UGGT1: variants seen among roughly 807,000 people sequenced by gnomAD.
UGGT1 encodes UDP-glucose glycoprotein glucosyltransferase 1, also known as UDP-glucose:glycoprotein glucosyltransferase 1.
UGGT1 carries 107 observed loss-of-function variants against 203.9 expected under a neutral mutation model. That is an observed-to-expected ratio of 0.52 (90% CI 0.45 to 0.62). UGGT1 has a LOEUF of 0.62. Among genes scored for constraint, UGGT1 ranks in the 20% least tolerant of loss-of-function variants. The pLI, the probability that UGGT1 is intolerant of heterozygous loss-of-function variation, is 0.00. For missense variants in UGGT1, 1,673 were observed against 1,867.2 expected (o/e 0.90, Z 1.92); for synonymous variants, 628 against 653.5 (o/e 0.96, Z 0.59).
intron 11 of UGGT1, among the ~76,000 whole-genome samples, chr2:128,123,623 A>G (rs748846848): frequency 1.3e-5 from 2 of 152,094 alleles, no homozygotes; most frequent in Admixed American, 1.3e-4. Flanking sequence ...GTGTGGTTTA[A>G]CTTTCTTTCA....
chr2:128,134,336 A>G (rs1465149436), intron 14 of UGGT1, among the ~76,000 whole-genome samples: 5 of 152,136 alleles, frequency 3.3e-5, no homozygotes, highest in Non-Finnish European at 5.9e-5. Context: ...ATGCCTGGCC[A>G]CTTTTCTGTC....
chr2:128,103,927 C>T lies in UGGT1; in HGVS notation c.195-5C>T, dbSNP rs776533663. 2.5e-6 allele frequency: 4 copies of T among 1,579,826 alleles called. No individual in the cohort carries two copies. The highest frequency in any genetic ancestry group is 1.2e-5 in the South Asian group (1 of 83,364). Reference sequence around the variant, plus strand: ...AGTTGTTTTATTTCTGATCTTTTCTCCCAGTGAGTTTTTAGCAGAAGACAG... The same window carrying T: ...AGTTGTTTTATTTCTGATCTTTTCTTCCAGTGAGTTTTTAGCAGAAGACAG... On this transcript the variant is annotated splice_polypyrimidine_tract_variant and splice_region_variant and intron_variant, in intron 2 of 40. Coordinates refer to ENST00000259253, the MANE Select transcript of UGGT1 (RefSeq NM_020120.4).
intron 28 of UGGT1, among the ~76,000 whole-genome samples, 165 bp from the exon 29 acceptor site, chr2:128,172,408 A>G (rs1363027723): frequency 1.3e-5 from 2 of 152,200 alleles, no homozygotes; most frequent in Non-Finnish European, 2.9e-5. Context: ...AACCACAAGG[A>G]GGCATCATAA....
chr2:128,091,952 T>C (rs774684845), intron 1 of UGGT1, among the ~76,000 whole-genome samples: 39 of 152,220 alleles, frequency 2.6e-4, no homozygotes, highest in Admixed American at 2.0e-3. Flanking sequence ...CAATAACTTA[T>C]AGATGTGAAC....
rs1687335655 is a variant in UGGT1, at chr2:128,100,647, C to T, written c.194+3083C>T. On this transcript the variant is annotated intron_variant, in intron 2 of 40. Coordinates refer to ENST00000259253, the MANE Select transcript of UGGT1 (RefSeq NM_020120.4). Reference sequence around the variant, plus strand: ...ATGTTGGTCAGGCTGGTCTGGAACTCCCCACCTCAGGTGATCCACCCATCT... The same window carrying T: ...ATGTTGGTCAGGCTGGTCTGGAACTTCCCACCTCAGGTGATCCACCCATCT... 2.0e-5 allele frequency among the ~76,000 whole-genome samples: 3 copies of T among 151,048 alleles called. No individual in the cohort carries two copies. The South Asian group carries it at 6.3e-4, about 32-fold the overall frequency.
intron 33 of UGGT1, 143 bp from the exon 34 acceptor site, chr2:128,178,325 G>T: frequency 1.3e-5 from 9 of 697,230 alleles, no homozygotes; most frequent in Non-Finnish European, 1.9e-5. Context: ...TCTCCAGGGT[G>T]TGAGGGAAGC....
chr2:128,099,659 TC>T (rs1687276414), intron 2 of UGGT1, among the ~76,000 whole-genome samples: 1 of 152,188 alleles, frequency 6.6e-6, no homozygotes, highest in South Asian at 2.1e-4. Flanking sequence ...CTTCCTTCCA[TC>T]GCCTCTCTCT....
At position 128,169,048 on chromosome 2, in the gene UGGT1, TAAAAAAAAAAAAAAAAAAAAAAA is replaced by T. The variant is rs544381740; in HGVS notation, c.2922-1219_2922-1197del. ...GGGTGAATGAGCGAGACTCTGTCTT[TAAAAAAAAAAAAAAAAAAAAAAA>T]AAAAAAAAAAAAAAAAAAAAGACAA... On this transcript the variant is annotated intron_variant, in intron 26 of 40. Coordinates refer to ENST00000259253, the MANE Select transcript of UGGT1 (RefSeq NM_020120.4). Among the ~76,000 whole-genome samples, 436 of 52,570 alleles carry T rather than the reference TAAAAAAAAAAAAAAAAAAAAAAA, an allele frequency of 8.3e-3. 15 individuals carry two copies. The highest frequency in any genetic ancestry group is 0.031 in the African/African-American group (304 of 9,720). The allele number at this position is 52,570 out of a possible 152,430, so 34.5% of individuals were successfully genotyped here.
At chr2:128,159,752 C>G in intron 23 of UGGT1, 32 bp downstream of exon 23, 2 of 1,599,872 alleles carry the variant, frequency 1.3e-6, no homozygotes, top group Non-Finnish European at 1.7e-6. Context: ...GAGGCTGCCC[C>G]ATTTTGTCTG....
intron 17 of UGGT1, among the ~76,000 whole-genome samples, chr2:128,143,687 T>G (rs769680516): frequency 6.6e-6 from 1 of 152,240 alleles, no homozygotes; most frequent in Non-Finnish European, 1.5e-5. Flanking sequence ...CTGTACTGAT[T>G]AGAGGCTCTT....
chr2:128,101,030 G>A (rs1687354126), intron 2 of UGGT1, among the ~76,000 whole-genome samples: 1 of 151,808 alleles, frequency 6.6e-6, no homozygotes, highest in Non-Finnish European at 1.5e-5. Flanking sequence ...TTTTTCCTTG[G>A]CATGTGAAGT....
intron 33 of UGGT1, among the ~76,000 whole-genome samples, 163 bp downstream of exon 33, chr2:128,178,083 C>G (rs73955982): frequency 6.6e-6 from 1 of 152,274 alleles, no homozygotes; most frequent in Non-Finnish European, 1.5e-5. Flanking sequence ...ATTTTCCACT[C>G]GATTGATCCA....
chr2:128,185,782 C>G (rs775178004), intron 38 of UGGT1, among the ~76,000 whole-genome samples: 8 of 152,138 alleles, frequency 5.3e-5, no homozygotes, highest in Non-Finnish European at 8.8e-5. Context: ...GAAGTATCAT[C>G]TATTTATTTT....
intron 18 of UGGT1, among the ~76,000 whole-genome samples, chr2:128,152,075 A>T (rs2104707968): frequency 6.6e-6 from 1 of 152,292 alleles, no homozygotes; most frequent in South Asian, 2.1e-4. Context: ...TGTAATTCTG[A>T]CTCTGGAGAT....
Position 128,120,862 on chromosome 2 carries a change from T to A in UGGT1, c.974-337T>A, listed in dbSNP as rs185786977. On this transcript the variant is annotated intron_variant, in intron 9 of 40. Transcript: ENST00000259253. Reference sequence around the variant, plus strand: ...TCAAGTTTTTTTCCCCAACGTCATTTACTAAAAGTCTTCATGCTGTATTTT... The same window carrying A: ...TCAAGTTTTTTTCCCCAACGTCATTAACTAAAAGTCTTCATGCTGTATTTT... Among the ~76,000 whole-genome samples, 87 of 152,364 alleles carry A rather than the reference T, an allele frequency of 5.7e-4. 1 individual carries two copies. Among genetic ancestry groups the A allele is most frequent in the Non-Finnish European group, 1.1e-3 (72 of 68,034 alleles).
chr2:128,115,063 A>G (rs1405756273), intron 6 of UGGT1, 61 bp from the exon 7 acceptor site: 4 of 1,468,654 alleles, frequency 2.7e-6, no homozygotes, highest in African/African-American at 1.4e-5. Context: ...TGGTCATGCC[A>G]TGTACACTGT....
At chr2:128,187,715 C>G (rs557146243) in intron 40 of UGGT1, 101 bp downstream of exon 40, 1 of 1,291,186 alleles carries the variant, frequency 7.7e-7, no homozygotes, top group East Asian at 2.6e-5. Flanking sequence ...AGAGAAAAAT[C>G]TCCTATTAAT....
At chr2:128,171,734 C>T (rs1411688665) in intron 28 of UGGT1, among the ~76,000 whole-genome samples, 1 of 152,188 alleles carries the variant, frequency 6.6e-6, no homozygotes, top group East Asian at 1.9e-4. Flanking sequence ...TCTCGAACTC[C>T]TGACCTCAAG....
intron 3 of UGGT1, 97 bp from the exon 4 acceptor site, chr2:128,107,841 C>G (rs1687672331): frequency 6.5e-7 from 1 of 1,546,646 alleles, no homozygotes; most frequent in Non-Finnish European, 8.8e-7. Context: ...CTTGCCTTCA[C>G]ATACCTTTGT....
Sources: gnomAD v4.1 joint callset for allele counts (sites outside exome capture counted in the v4.1 genomes callset) on GRCh38, gnomAD v4.1.1 for gene constraint, MANE v1.5 for transcripts, NCBI Gene and HGNC (gene_info 2026-07-23, HGNC 2026-07-21) for gene names.